GRID2: variants seen among roughly 807,000 people sequenced by gnomAD.
GRID2 encodes glutamate receptor ionotropic, delta-2.
Under a neutral mutation model 114.8 loss-of-function variants are expected in GRID2, and 33 were observed. The observed-to-expected ratio is 0.29, with a 90% CI of 0.22 to 0.38. GRID2 has a LOEUF of 0.38. Among genes scored for constraint, GRID2 ranks in the 10% least tolerant of loss-of-function variants. GRID2 has a pLI of 1.00. For missense variants in GRID2, 1,184 were observed against 1,257.7 expected, an observed-to-expected ratio of 0.94 and a Z score of 0.89; for synonymous variants, 505 against 449.9, an observed-to-expected ratio of 1.12 and a Z score of -1.55.
chr4:93,430,511 C>G (rs1769308711), intron 10 of GRID2, among the ~76,000 whole-genome samples: 1 of 152,222 alleles, frequency 6.6e-6, no homozygotes, highest in African/African-American at 2.4e-5. Context: ...TGCCACTTAA[C>G]ATGTGTTAAT....
intron 2 of GRID2, among the ~76,000 whole-genome samples, chr4:92,903,491 T>C (rs1747730934): frequency 6.6e-6 from 1 of 151,946 alleles, no homozygotes; most frequent in African/African-American, 2.4e-5. Context: ...TTTTAATGAG[T>C]TACCTGCATT....
intron 12 of GRID2, among the ~76,000 whole-genome samples, chr4:93,506,354 G>T (rs1158392591): frequency 1.3e-5 from 2 of 152,178 alleles, no homozygotes; most frequent in African/African-American, 4.8e-5. Flanking sequence ...ACCACAGGAG[G>T]ACCGTGTTCT....
chr4:93,066,466 C>T (rs1483635402), intron 2 of GRID2, among the ~76,000 whole-genome samples: 1 of 151,858 alleles, frequency 6.6e-6, no homozygotes, highest in Admixed American at 6.6e-5. Flanking sequence ...ATTTATAATT[C>T]CTGGTACTCT....
chr4:93,150,898 G>A (rs570080298), intron 4 of GRID2, among the ~76,000 whole-genome samples: 4 of 151,886 alleles, frequency 2.6e-5, no homozygotes, highest in Non-Finnish European at 4.4e-5. Context: ...AGGCTGAGGT[G>A]GGAGGATCAC....
chr4:93,254,860 C>T (rs1275932749), intron 8 of GRID2, among the ~76,000 whole-genome samples: 1 of 152,058 alleles, frequency 6.6e-6, no homozygotes, highest in Non-Finnish European at 1.5e-5. Flanking sequence ...AAAGTAATTA[C>T]AATGCAGGGG....
chr4:92,943,141 C>T (rs1219218838), intron 2 of GRID2, among the ~76,000 whole-genome samples: 1 of 152,170 alleles, frequency 6.6e-6, no homozygotes, highest in African/African-American at 2.4e-5. Flanking sequence ...AGGAAGTTCT[C>T]CTGGATAATA....
At chr4:92,896,507 T>A (rs11097352) in intron 2 of GRID2, among the ~76,000 whole-genome samples, 3,881 of 151,702 alleles carry the variant, frequency 0.026, 59 homozygotes, top group Non-Finnish European at 0.038. Flanking sequence ...TATATATCTA[T>A]CTTTATTATG....
intron 8 of GRID2, among the ~76,000 whole-genome samples, chr4:93,317,962 T>G (rs896721882): frequency 6.7e-5 from 9 of 135,208 alleles, no homozygotes; most frequent in African/African-American, 2.4e-4. Flanking sequence ...AGTAAATCAG[T>G]TTTATCTTTC....
At chr4:92,890,434 A>ACTT (rs2149468548) in intron 2 of GRID2, among the ~76,000 whole-genome samples, 2 of 152,264 alleles carry the variant, frequency 1.3e-5, no homozygotes, top group South Asian at 4.1e-4. Context: ...AAACAACCCC[A>ACTT]TTGAAAAGTG....
chr4:93,178,082 A>AAG (rs1352755339), intron 4 of GRID2, among the ~76,000 whole-genome samples: 1 of 151,484 alleles, frequency 6.6e-6, no homozygotes, highest in East Asian at 1.9e-4. Context: ...GAAAAAAAAA[A>AAG]AACATATAAG....
chr4:93,391,998 A>G (rs1324864315), intron 8 of GRID2, among the ~76,000 whole-genome samples: 2 of 152,260 alleles, frequency 1.3e-5, no homozygotes, highest in South Asian at 4.1e-4. Context: ...TAGAAAATCA[A>G]TATACTGTAA....
chr4:92,706,770 A>G (rs1405022482), intron 2 of GRID2, among the ~76,000 whole-genome samples: 1 of 152,228 alleles, frequency 6.6e-6, no homozygotes, highest in Non-Finnish European at 1.5e-5. Context: ...CCCAGCATAC[A>G]TTTGGTGTGG....
rs150824852 is a variant in GRID2 at position 92,461,422 on chromosome 4, T to C, written c.89-128709T>C. On this transcript the variant is annotated intron_variant, in intron 1 of 15. Coordinates refer to ENST00000282020, the MANE Select transcript of GRID2 (RefSeq NM_001510.4). ...GTTTCTAAGAACCTATTGACAATGT[T>C]AACTGAGGACGTGTTGTGTTTGCCA... Among the ~76,000 whole-genome samples, 322 of 152,138 alleles carry C rather than the reference T, an allele frequency of 2.1e-3. 1 individual carries two copies. The highest frequency in any genetic ancestry group is 3.4e-3 in the Middle Eastern group (1 of 294).
At chr4:92,673,318 A>T (rs541106841) in intron 2 of GRID2, among the ~76,000 whole-genome samples, 11 of 152,332 alleles carry the variant, frequency 7.2e-5, no homozygotes, top group Middle Eastern at 6.8e-3. Flanking sequence ...TTATGTCTGT[A>T]TGCACTGTTG....
chr4:93,656,538 T>C (rs1723006368), intron 14 of GRID2, among the ~76,000 whole-genome samples: 1 of 151,898 alleles, frequency 6.6e-6, no homozygotes, highest in South Asian at 2.1e-4. Context: ...CTATATCAAA[T>C]AAGACAAATA....
intron 2 of GRID2, among the ~76,000 whole-genome samples, chr4:92,708,516 G>A (rs1015091809): frequency 1.3e-5 from 2 of 152,042 alleles, no homozygotes; most frequent in Admixed American, 6.6e-5. Flanking sequence ...CATTATTGTG[G>A]ACCTGGGAAA....
chr4:92,892,225 A>G (rs2149470709), intron 2 of GRID2, among the ~76,000 whole-genome samples: 1 of 152,010 alleles, frequency 6.6e-6, no homozygotes, highest in Admixed American at 6.6e-5. Flanking sequence ...CACCACACCC[A>G]GCTAATTTTT....
chr4:92,825,462 C>T (rs907584479), intron 2 of GRID2, among the ~76,000 whole-genome samples: 4 of 152,100 alleles, frequency 2.6e-5, no homozygotes, highest in African/African-American at 9.7e-5. Flanking sequence ...GTCATGACAG[C>T]GAAGTGAGTC....
intron 2 of GRID2, among the ~76,000 whole-genome samples, chr4:92,697,301 C>T (rs1427323325): frequency 6.6e-6 from 1 of 152,120 alleles, no homozygotes; most frequent in African/African-American, 2.4e-5. Flanking sequence ...GAAGCGGAGG[C>T]TGTTCCTGAT....
Sources: allele counts gnomAD v4.1 joint callset (sites outside exome capture counted in the v4.1 genomes callset), GRCh38; gene constraint gnomAD v4.1.1; transcripts MANE v1.5; gene names NCBI Gene and HGNC (gene_info 2026-07-23, HGNC 2026-07-21).